The following IPO9 variants were observed in gnomAD, a reference collection of about 807,000 sequenced individuals.
The protein encoded by IPO9 is importin-9.
Under a neutral mutation model 128.6 loss-of-function variants are expected in IPO9, and 28 were observed. The ratio of observed to expected loss-of-function variants is 0.22; its 90% CI spans 0.16 to 0.30. The LOEUF (loss-of-function observed/expected upper bound fraction) is 0.30, where lower values mean the gene tolerates loss of function less well. IPO9 is among the 10% of genes least tolerant of loss of function. The pLI is 1.00. For synonymous variants in IPO9, 455 were observed against 475.8 expected (o/e 0.96, Z 0.57); for missense variants, 935 against 1,293.9 (o/e 0.72, Z 4.26).
At chr1:201,866,035 A>G (rs1272864623) in intron 14 of IPO9, among the ~76,000 whole-genome samples, 1 of 152,178 alleles carries the variant, frequency 6.6e-6, no homozygotes, top group Non-Finnish European at 1.5e-5. Flanking sequence ...AAGAGGTTGG[A>G]CTTTATTTTG....
intron 13 of IPO9, among the ~76,000 whole-genome samples, chr1:201,862,361 G>A (rs1680465944): frequency 6.6e-6 from 1 of 152,076 alleles, no homozygotes; most frequent in South Asian, 2.1e-4. Context: ...GGGAGGCTGA[G>A]GCAGGAGAAT....
chr1:201,860,461 A>C (rs1168786743), intron 13 of IPO9, among the ~76,000 whole-genome samples: 1 of 152,208 alleles, frequency 6.6e-6, no homozygotes, highest in African/African-American at 2.4e-5. Flanking sequence ...TAATCTTTGT[A>C]TCCTACAAGT....
At chr1:201,865,374 A>G (rs1680533956) in intron 14 of IPO9, among the ~76,000 whole-genome samples, 1 of 151,760 alleles carries the variant, frequency 6.6e-6, no homozygotes, top group African/African-American at 2.4e-5. Context: ...ACACCCAGCT[A>G]ATTTTGTATT....
chr1:201,837,014 G>A (rs777337527), intron 1 of IPO9, among the ~76,000 whole-genome samples: 6 of 152,254 alleles, frequency 3.9e-5, no homozygotes, highest in East Asian at 1.9e-4. Context: ...TCTTTCATGC[G>A]TGAAAGAAAT....
intron 1 of IPO9, among the ~76,000 whole-genome samples, chr1:201,834,575 T>C (rs2102867179): frequency 6.6e-6 from 1 of 152,324 alleles, no homozygotes; most frequent in South Asian, 2.1e-4. Context: ...AGTGGTGGAA[T>C]GGGTTGCTTT....
In IPO9 at chr1:201,855,935, G is replaced by A. The variant is rs771848217; in HGVS notation, c.1122+1G>A. 1 of 1,572,320 alleles carries A rather than the reference G, an allele frequency of 6.4e-7. No homozygotes were observed. The highest frequency in any genetic ancestry group is 2.1e-5 in the Admixed American group (1 of 47,768). ...GTACATGCAAATCACTGAGGAGCAGGTAAATAATATTTGAGAGACAGTTAC... is the reference window on the plus strand; with the variant it reads ...GTACATGCAAATCACTGAGGAGCAGATAAATAATATTTGAGAGACAGTTAC... On this transcript the variant is annotated splice_donor_variant, in intron 10 of 23. Transcript: ENST00000361565. LOFTEE classifies it high-confidence loss of function.
At chr1:201,833,269 C>T (rs1019091227) in intron 1 of IPO9, among the ~76,000 whole-genome samples, 7 of 150,766 alleles carry the variant, frequency 4.6e-5, no homozygotes, top group Non-Finnish European at 1.0e-4. Flanking sequence ...GACAGAGTCT[C>T]GCTCTGTCAC....
chr1:201,876,179 T>TC lies in IPO9; in HGVS notation c.*126dup. On this transcript the variant is annotated 3_prime_UTR_variant, in exon 24 of 24. Transcript: ENST00000361565. ...GCATCTTGACCCTTGGCCCTTGGCC[T>TC]CGGCAGTGACACTGATGACAATTCA... is the stretch of plus-strand genomic sequence containing the variant. 1.3e-6 allele frequency: 1 copy of TC among 779,498 alleles called. No homozygotes were observed. Among genetic ancestry groups the TC allele is most frequent in the Non-Finnish European group, 2.4e-6 (1 of 423,850 alleles). 48.3% of individuals were successfully genotyped at this position (779,498 alleles called of 1,614,324 possible). A position where few individuals can be genotyped will look rare whatever the true frequency, so the allele number is the denominator to read the frequency against.
intron 10 of IPO9, among the ~76,000 whole-genome samples, chr1:201,856,758 C>T (rs138894733): frequency 1.3e-3 from 194 of 152,264 alleles, no homozygotes; most frequent in Middle Eastern, 0.01. Context: ...GTAGACAAAG[C>T]TCACGGCAGC....
At chr1:201,834,138 T>C (rs955942102) in intron 1 of IPO9, among the ~76,000 whole-genome samples, 2 of 152,082 alleles carry the variant, frequency 1.3e-5, no homozygotes, top group African/African-American at 4.8e-5. Context: ...AATTTACTTC[T>C]ACCTAAATAG....
At chr1:201,832,360 G>A (rs1679851216) in intron 1 of IPO9, among the ~76,000 whole-genome samples, 1 of 151,424 alleles carries the variant, frequency 6.6e-6, no homozygotes, top group African/African-American at 2.4e-5. Context: ...CCAGGTTCAA[G>A]CAATTCTCGT....
At chr1:201,873,399 C>T (rs1196379120) in intron 20 of IPO9, among the ~76,000 whole-genome samples, 3 of 135,704 alleles carry the variant, frequency 2.2e-5, no homozygotes, top group African/African-American at 2.8e-5. Flanking sequence ...GAGCAAAGAT[C>T]GTGCCACTGC....
chr1:201,866,667 A>T, intron 14 of IPO9, 66 bp from the exon 15 acceptor site: 1 of 1,210,652 alleles, frequency 8.3e-7, no homozygotes, highest in South Asian at 1.2e-5. Flanking sequence ...ATAATATGTG[A>T]GATTGATTGG....
chr1:201,861,685 C>T (rs1274104465), intron 13 of IPO9, among the ~76,000 whole-genome samples: 1 of 152,118 alleles, frequency 6.6e-6, no homozygotes. Flanking sequence ...CAGTGTTTTC[C>T]GTCAACAAGA....
At chr1:201,852,486 T>C (rs562596071) in intron 5 of IPO9, among the ~76,000 whole-genome samples, 1 of 152,332 alleles carries the variant, frequency 6.6e-6, no homozygotes, top group Non-Finnish European at 1.5e-5. Context: ...AGCCTCTTAC[T>C]GAGTTATCCC....
rs143400472 is a variant in IPO9, at chr1:201,842,903, A to G, written c.164-4376A>G. On this transcript the variant is annotated intron_variant, in intron 1 of 23. Transcript: ENST00000361565. ...TGAGTTTGATATAATTGAGCTAAGA[A>G]GCAATGTCATCTCTTGCTCTGAGCC... Among the ~76,000 whole-genome samples the G allele has an allele frequency of 2.4e-4, 36 of 152,380 alleles. No homozygotes were observed. In the East Asian group the frequency reaches 5.4e-3, roughly 23 times the overall value.
Position 201,871,513 on chromosome 1 carries a change from C to T in IPO9, c.2576+186C>T, listed in dbSNP as rs189581598. On this transcript the variant is annotated intron_variant, in intron 19 of 23. Transcript: ENST00000361565. The stretch of plus-strand genomic sequence containing the variant: ...GCAATTCTCCTGCTCCTGCCTCAGC[C>T]GTCCGAATATTACACACATGCACCA... 5.6e-4 allele frequency among the ~76,000 whole-genome samples: 84 copies of T among 151,198 alleles called. 1 individual carries two copies. The highest frequency in any genetic ancestry group is 4.3e-3 in the Admixed American group (65 of 15,138).
At chr1:201,836,189 G>A (rs1000373568) in intron 1 of IPO9, among the ~76,000 whole-genome samples, 1 of 146,508 alleles carries the variant, frequency 6.8e-6, no homozygotes, top group Non-Finnish European at 1.5e-5. Flanking sequence ...ACACACACAC[G>A]TACTTTTTTT....
Position 201,881,550 on chromosome 1 carries a change from C to G in IPO9, c.*5496C>G, listed in dbSNP as rs1680883948. 2 of 152,188 alleles carry G rather than the reference C, an allele frequency of 1.3e-5. No homozygotes were observed. Among genetic ancestry groups the G allele is most frequent in the African/African-American group, 4.8e-5 (2 of 41,436 alleles). The allele number at this position is 152,188 out of a possible 1,614,324, so 9.4% of individuals were successfully genotyped here. A position where few individuals can be genotyped will look rare whatever the true frequency, so the allele number is the denominator to read the frequency against. ...CACGTTACAAGTACTGATATTTATG[C>G]TTAAGTTCACGGGAGTCCTGGCCAG... On this transcript the variant is annotated 3_prime_UTR_variant, in exon 24 of 24. Transcript: ENST00000361565.
Sources: gnomAD v4.1 joint callset for allele counts (sites outside exome capture counted in the v4.1 genomes callset) on GRCh38, gnomAD v4.1.1 for gene constraint, MANE v1.5 for transcripts, NCBI Gene and HGNC (gene_info 2026-07-23, HGNC 2026-07-21) for gene names.